MBTD1: variants seen among roughly 807,000 people sequenced by gnomAD.
The protein encoded by MBTD1 is mbt domain containing 1.
A neutral mutation model predicts 87.8 loss-of-function variants in MBTD1; 24 were observed. The ratio of observed to expected loss-of-function variants is 0.27; its 90% confidence interval spans 0.20 to 0.38. MBTD1 has a LOEUF of 0.38. Among genes scored for constraint, MBTD1 ranks in the 10% least tolerant of loss-of-function variants. The pLI is 1.00. For synonymous variants in MBTD1, 237 were observed against 248.6 expected, an observed-to-expected ratio of 0.95 and a Z score of 0.44; for missense variants, 436 against 760.2, an observed-to-expected ratio of 0.57 and a Z score of 5.02.
intron 2 of MBTD1, chr17:51,256,837 G>C (rs1019126976): frequency 6.6e-6 from 1 of 152,178 alleles, no homozygotes; most frequent in Non-Finnish European, 1.5e-5. Context: ...ACTGCCATGA[G>C]AAAATGGAGG....
chr17:51,259,414 A>C (rs1598462750), intron 1 of MBTD1, among the ~76,000 whole-genome samples: 1 of 151,204 alleles, frequency 6.6e-6, no homozygotes. Flanking sequence ...GCAGATAGAC[A>C]CCTTCCCCTG....
At chr17:51,249,209 G>A (rs759362692) in intron 2 of MBTD1, among the ~76,000 whole-genome samples, 4 of 152,056 alleles carry the variant, frequency 2.6e-5, no homozygotes, top group Non-Finnish European at 5.9e-5. Flanking sequence ...GCAGTGAGCC[G>A]TGATCATGCC....
chr17:51,225,536 T>TTC (rs1254575178), intron 2 of MBTD1, among the ~76,000 whole-genome samples: 1 of 151,386 alleles, frequency 6.6e-6, no homozygotes, highest in African/African-American at 2.4e-5. Context: ...GTTTTTTTTT[T>TTC]TGTAGAGATG....
chr17:51,189,592 A>G lies in MBTD1; in HGVS notation c.1768+2611T>C, dbSNP rs989090317. ...AATCCTACAAGAGTCACGCTGAGGG[A>G]GGCAAATGAATTGTCTACATAAAAC... is the stretch of plus-strand genomic sequence containing the variant. On this transcript the variant is annotated intron_variant, in intron 16 of 16. Transcript: ENST00000586178. 1.7e-4 allele frequency among the ~76,000 whole-genome samples: 26 copies of G among 152,218 alleles called. 1 individual carries two copies.
chr17:51,226,900 G>C (rs1026016590), intron 2 of MBTD1, among the ~76,000 whole-genome samples: 8 of 151,362 alleles, frequency 5.3e-5, no homozygotes, highest in Non-Finnish European at 5.9e-5. Flanking sequence ...CAAAGTGCTG[G>C]GATTACAGGT....
At position 51,234,851 on chromosome 17, in the gene MBTD1, G is replaced by A. The variant is rs939035744; in HGVS notation, c.-48-9642C>T. Among the ~76,000 whole-genome samples, 11 of 151,976 alleles carry A rather than the reference G, an allele frequency of 7.2e-5. No homozygotes were observed. In the South Asian group the frequency reaches 1.7e-3, roughly 23 times the overall value. ...TGGGATTACAGGCATATACCACCAC[G>A]CCTGGCTAATTTTTTTTGTATTTTC... On this transcript the variant is annotated intron_variant, in intron 2 of 16. Coordinates refer to ENST00000586178, the MANE Select transcript of MBTD1 (RefSeq NM_017643.3).
intron 2 of MBTD1, among the ~76,000 whole-genome samples, chr17:51,226,097 A>G (rs1168049103): frequency 6.7e-6 from 1 of 149,014 alleles, no homozygotes; most frequent in Non-Finnish European, 1.5e-5. Flanking sequence ...GCACTTTGGG[A>G]GGCCGAGGTG....
At chr17:51,189,590 G>A (rs1446897097) in intron 16 of MBTD1, among the ~76,000 whole-genome samples, 1 of 152,098 alleles carries the variant, frequency 6.6e-6, no homozygotes, top group Non-Finnish European at 1.5e-5. Flanking sequence ...TCACGCTGAG[G>A]GAGGCAAATG....
intron 16 of MBTD1, chr17:51,186,202 T>C (rs1249322194): frequency 1.3e-5 from 2 of 152,652 alleles, no homozygotes; most frequent in Non-Finnish European, 2.9e-5. Flanking sequence ...TTCTTCCCAA[T>C]TGGCATCTTC....
chr17:51,236,664 T>A (rs930895161), intron 2 of MBTD1, among the ~76,000 whole-genome samples: 1 of 152,206 alleles, frequency 6.6e-6, no homozygotes, highest in African/African-American at 2.4e-5. Context: ...GGGAGGCCTC[T>A]GCTGCCCTCA....
At chr17:51,188,165 TAC>T (rs778008079) in intron 16 of MBTD1, among the ~76,000 whole-genome samples, 2 of 152,218 alleles carry the variant, frequency 1.3e-5, no homozygotes, top group Non-Finnish European at 2.9e-5. Flanking sequence ...TGTCCACTCT[TAC>T]TACTTACAGT....
chr17:51,184,824 AAACTT>A (rs2144991347), intron 16 of MBTD1: 1 of 152,324 alleles, frequency 6.6e-6, no homozygotes, highest in East Asian at 1.9e-4. Context: ...AAAAAGAAAA[AAACTT>A]AGACAAGAAA....
chr17:51,244,333 G>C (rs1017191223), intron 2 of MBTD1, among the ~76,000 whole-genome samples: 1 of 152,020 alleles, frequency 6.6e-6, no homozygotes, highest in African/African-American at 2.4e-5. Context: ...TTTTTTCCCA[G>C]TGGTTTATCA....
intron 2 of MBTD1, among the ~76,000 whole-genome samples, chr17:51,234,589 T>C (rs945572352): frequency 2.6e-5 from 4 of 152,202 alleles, no homozygotes; most frequent in Non-Finnish European, 4.4e-5. Flanking sequence ...CTGTATCTAC[T>C]GAAAAAACTA....
chr17:51,225,126 T>TGAC lies in MBTD1; in HGVS notation c.35_36insGTC (p.Ser18dup). 6.4e-7 allele frequency: 1 copy of TGAC among 1,551,166 alleles called. No individual in the cohort carries two copies. The highest frequency in any genetic ancestry group is 1.2e-5 in the South Asian group (1 of 83,994). ...TCTCTTCGGAGCTGGAGCTGCTGCT[T>TGAC]GTGTCCTCACTGCAGCTATCATAAC... On this transcript the variant is annotated inframe_insertion, in exon 3 of 17. Transcript: ENST00000586178.
At chr17:51,216,730 TAC>T (rs2052591497) in intron 6 of MBTD1, among the ~76,000 whole-genome samples, 1 of 152,242 alleles carries the variant, frequency 6.6e-6, no homozygotes, top group Admixed American at 6.5e-5. Context: ...ATTTTTGATA[TAC>T]AATACTAGCA....
At chr17:51,188,916 G>A (rs996787247) in intron 16 of MBTD1, among the ~76,000 whole-genome samples, 6 of 151,876 alleles carry the variant, frequency 4.0e-5, no homozygotes, top group African/African-American at 9.7e-5. Context: ...GCGCCACCAC[G>A]CCTGGCTAAT....
intron 12 of MBTD1, among the ~76,000 whole-genome samples, chr17:51,196,538 G>T (rs1414145150): frequency 6.6e-6 from 1 of 151,854 alleles, no homozygotes; most frequent in African/African-American, 2.4e-5. Context: ...TATTACCACT[G>T]GAATTTTGCT....
At chr17:51,194,297 C>T (rs1256265513) in intron 13 of MBTD1, among the ~76,000 whole-genome samples, 1 of 152,144 alleles carries the variant, frequency 6.6e-6, no homozygotes, top group Non-Finnish European at 1.5e-5. Context: ...GGGCTGGGTG[C>T]AGTGGCTCAC....
Sources: gnomAD v4.1 joint callset for allele counts (sites outside exome capture counted in the v4.1 genomes callset) on GRCh38, gnomAD v4.1.1 for gene constraint, MANE v1.5 for transcripts, NCBI Gene and HGNC (gene_info 2026-07-23, HGNC 2026-07-21) for gene names.